ROBO2: variants seen among roughly 807,000 people sequenced by gnomAD.
The protein encoded by ROBO2 is roundabout homolog 2.
In ROBO2, 53 loss-of-function variants were observed where a neutral mutation model predicts 160.8. The observed-to-expected ratio is 0.33, with a 90% CI of 0.26 to 0.41. The LOEUF is 0.41. Ranked by LOEUF, ROBO2 falls within the 10% of genes least tolerant of loss-of-function variation. The probability of loss-of-function intolerance (pLI) is 1.00; values close to 1 mark genes in which losing one functional copy is unlikely to be tolerated. For missense variants in ROBO2, 1,577 were observed against 1,722.4 expected (o/e 0.92, Z 1.49); for synonymous variants, 664 against 611.7 (o/e 1.09, Z -1.26).
At chr3:77,277,225 TTCTTG>T in intron 2 of ROBO2, among the ~76,000 whole-genome samples, 21 of 120,478 alleles carry the variant, frequency 1.7e-4, no homozygotes, top group Non-Finnish European at 3.6e-4. Flanking sequence ...CTTTCTTTCT[TTCTTG>T]TCTTTCTTTC....
intron 2 of ROBO2, among the ~76,000 whole-genome samples, chr3:77,286,256 C>CTTTTTTTT (rs10663209): frequency 2.5e-5 from 3 of 119,856 alleles, no homozygotes; most frequent in Non-Finnish European, 3.4e-5. Context: ...AATTATGGAG[C>CTTTTTTTT]TTTTTTTTTT....
At chr3:76,813,056 C>G (rs915714970) in intron 2 of ROBO2, among the ~76,000 whole-genome samples, 1 of 151,290 alleles carries the variant, frequency 6.6e-6, no homozygotes, top group Non-Finnish European at 1.5e-5. Flanking sequence ...AGCTTTGGAA[C>G]TTGGAAGAAT....
At chr3:77,568,505 T>C in intron 13 of ROBO2, 71 bp downstream of exon 14, 2 of 1,561,740 alleles carry the variant, frequency 1.3e-6, no homozygotes, top group East Asian at 2.2e-5. Flanking sequence ...AAAATGCAAA[T>C]GAACAAAGAG....
chr3:77,076,298 TTTAAC>T (rs2067995006), intron 1 of ROBO2, among the ~76,000 whole-genome samples: 1 of 152,136 alleles, frequency 6.6e-6, no homozygotes, highest in Non-Finnish European at 1.5e-5. Flanking sequence ...ATGAAGACTC[TTTAAC>T]TTTTTAGGGA....
intron 2 of ROBO2, among the ~76,000 whole-genome samples, chr3:77,302,103 A>G (rs962994370): frequency 6.0e-5 from 9 of 150,668 alleles, no homozygotes; most frequent in African/African-American, 1.7e-4. Context: ...GAAACTAAGT[A>G]AAGACATTTT....
chr3:76,657,722 T>G (rs1379417814), intron 2 of ROBO2, among the ~76,000 whole-genome samples: 3 of 135,706 alleles, frequency 2.2e-5, no homozygotes, highest in African/African-American at 1.0e-4. Flanking sequence ...GTATATATAT[T>G]CATATATGAG....
At chr3:76,163,366 A>C (rs1227562590) in intron 2 of ROBO2, among the ~76,000 whole-genome samples, 1 of 151,610 alleles carries the variant, frequency 6.6e-6, no homozygotes, top group Non-Finnish European at 1.5e-5. Flanking sequence ...GAATACCTTA[A>C]TTCTTATTGT....
At position 76,115,681 on chromosome 3, in the gene ROBO2, TAAAC is replaced by T. The variant is rs150380881; in HGVS notation, c.109+178085_109+178088del. On this transcript the variant is annotated intron_variant, in intron 2 of 26. Transcript: ENST00000487694. ...TAGGAAATTTTTTTAAAAAATTAAA[TAAAC>T]AAACATCAATTGTTTTCTCAATGTT... is the stretch of plus-strand genomic sequence containing the variant. 8.9e-3 allele frequency among the ~76,000 whole-genome samples: 1,353 copies of T among 152,234 alleles called. 22 individuals carry two copies. The highest frequency in any genetic ancestry group is 0.028 in the African/African-American group (1,166 of 41,568).
At chr3:76,889,046 C>T (rs1166077977) in intron 2 of ROBO2, among the ~76,000 whole-genome samples, 1 of 152,208 alleles carries the variant, frequency 6.6e-6, no homozygotes, top group Non-Finnish European at 1.5e-5. Flanking sequence ...ACCACAGTGG[C>T]TCCTGTGTTG....
intron 2 of ROBO2, among the ~76,000 whole-genome samples, chr3:76,945,712 T>G (rs1277082426): frequency 6.6e-6 from 1 of 152,164 alleles, no homozygotes; most frequent in East Asian, 1.9e-4. Context: ...TTTCAGCAAT[T>G]TCTTATTGGC....
At chr3:77,536,175 C>A (rs2092084794) in intron 6 of ROBO2, among the ~76,000 whole-genome samples, 1 of 152,056 alleles carries the variant, frequency 6.6e-6, no homozygotes, top group Admixed American at 6.6e-5. Context: ...CGGAGGCCTT[C>A]AAATACCTAA....
chr3:76,825,093 A>G (rs1234837245), intron 2 of ROBO2, among the ~76,000 whole-genome samples: 1 of 152,168 alleles, frequency 6.6e-6, no homozygotes, highest in African/African-American at 2.4e-5. Flanking sequence ...CCTAGGAGTA[A>G]TAATTATAAA....
chr3:76,006,538 T>G lies in ROBO2; in HGVS notation c.109+68936T>G, dbSNP rs146331897. On this transcript the variant is annotated intron_variant, in intron 2 of 26. Coordinates refer to the ROBO2 transcript ENST00000487694. ...TTTACCTATCCTTCTTTTGTTTTCC[T>G]CTCTGCAGCCAAAAGATTTAAGTTC... Among the ~76,000 whole-genome samples the G allele has an allele frequency of 2.6e-3, 389 of 152,286 alleles. 1 individual carries two copies. Among genetic ancestry groups the G allele is most frequent in the Middle Eastern group, 0.01 (3 of 294 alleles).
chr3:76,256,919 AAGAG>A (rs893869366), intron 2 of ROBO2, among the ~76,000 whole-genome samples: 1 of 151,956 alleles, frequency 6.6e-6, no homozygotes, highest in Admixed American at 6.6e-5. Context: ...GAAGGGGAGC[AAGAG>A]AGAGAGTGGG....
At chr3:76,571,565 A>C (rs1374282787) in intron 2 of ROBO2, among the ~76,000 whole-genome samples, 1 of 152,154 alleles carries the variant, frequency 6.6e-6, no homozygotes, top group Non-Finnish European at 1.5e-5. Flanking sequence ...TTAATTTAAT[A>C]AATCAAGAGA....
chr3:75,955,622 T>A (rs1430844766), intron 2 of ROBO2, among the ~76,000 whole-genome samples: 1 of 151,622 alleles, frequency 6.6e-6, no homozygotes, highest in East Asian at 1.9e-4. Flanking sequence ...ACCCTAAAAC[T>A]TAAAGTATAA....
At chr3:76,127,834 T>G (rs2071052004) in intron 2 of ROBO2, among the ~76,000 whole-genome samples, 1 of 151,602 alleles carries the variant, frequency 6.6e-6, no homozygotes, top group Non-Finnish European at 1.5e-5. Context: ...CCTGAATACT[T>G]TGAAAAATAC....
At chr3:77,327,540 T>C (rs149186521) in intron 2 of ROBO2, among the ~76,000 whole-genome samples, 102 of 152,132 alleles carry the variant, frequency 6.7e-4, no homozygotes, top group African/African-American at 2.4e-3. Context: ...AAGGGATGAG[T>C]AAAGTGCATA....
At chr3:76,277,587 T>C (rs1200396077) in intron 2 of ROBO2, among the ~76,000 whole-genome samples, 6 of 151,984 alleles carry the variant, frequency 3.9e-5, no homozygotes, top group African/African-American at 1.2e-4. Context: ...TAGAAAATAT[T>C]AGAGGGACTA....
Sources: allele counts gnomAD v4.1 joint callset (sites outside exome capture counted in the v4.1 genomes callset), GRCh38; gene constraint gnomAD v4.1.1; transcripts MANE v1.5; gene names NCBI Gene and HGNC (gene_info 2026-07-23, HGNC 2026-07-21).